The following SLC38A6 variants were observed in gnomAD, a reference collection of about 807,000 sequenced individuals.
SLC38A6 encodes the protein solute carrier family 38 member 6, also known as N system amino acid transporter NAT-1.
SLC38A6 carries 73 observed loss-of-function variants against 65.0 expected under a neutral mutation model. The observed-to-expected ratio is 1.12, with a 90% CI of 0.93 to 1.37. SLC38A6 has a LOEUF of 1.37. SLC38A6 is among the 40% of genes most tolerant of loss of function. The pLI is 0.00. For missense variants in SLC38A6, 561 were observed against 531.1 expected, an observed-to-expected ratio of 1.06 and a Z score of -0.55; for synonymous variants, 183 against 178.8, an observed-to-expected ratio of 1.02 and a Z score of -0.19.
At chr14:61,012,175 G>T (rs1449818275) in intron 3 of SLC38A6, among the ~76,000 whole-genome samples, 1 of 152,198 alleles carries the variant, frequency 6.6e-6, no homozygotes, top group African/African-American at 2.4e-5. Context: ...TTGCATAGAG[G>T]TGTTTATAGT....
At position 61,069,732 on chromosome 14, in the gene SLC38A6, A is replaced by G. The variant is rs917325805; in HGVS notation, c.1291-9078A>G. Among the ~76,000 whole-genome samples the G allele has an allele frequency of 8.5e-5, 13 of 152,256 alleles. No individual in the cohort carries two copies. The South Asian group carries it at 1.5e-3, about 17-fold the overall frequency. On this transcript the variant is annotated intron_variant, in intron 15 of 16. Transcript: ENST00000354886. ...GTAAGATTTTTCGTATTTTTTTCAT[A>G]AACTACTTTTGTAATTTTGTATTCA...
At chr14:60,982,266 C>G (rs761808573) in intron 1 of SLC38A6, 2 of 549,244 alleles carry the variant, frequency 3.6e-6, no homozygotes, top group Non-Finnish European at 6.9e-6. Context: ...CCTTCCTGAA[C>G]TCTGCCTGTC....
At chr14:60,990,538 A>G (rs566362288) in intron 3 of SLC38A6, among the ~76,000 whole-genome samples, 4 of 152,236 alleles carry the variant, frequency 2.6e-5, no homozygotes, top group African/African-American at 9.6e-5. Flanking sequence ...TCTTTCTTCT[A>G]ATTGCTTAGG....
At chr14:61,012,603 G>T (rs1163488451) in intron 3 of SLC38A6, among the ~76,000 whole-genome samples, 1 of 152,042 alleles carries the variant, frequency 6.6e-6, no homozygotes, top group Non-Finnish European at 1.5e-5. Flanking sequence ...TTGTTGATTT[G>T]AAAGAATGTC....
intron 5 of SLC38A6, among the ~76,000 whole-genome samples, chr14:61,019,945 T>C (rs1280491751): frequency 2.0e-5 from 3 of 152,104 alleles, no homozygotes; most frequent in Non-Finnish European, 2.9e-5. Context: ...AGATACTACT[T>C]TAGAGGGATT....
intron 3 of SLC38A6, among the ~76,000 whole-genome samples, chr14:61,009,153 C>T (rs906574682): frequency 1.3e-5 from 2 of 152,156 alleles, no homozygotes; most frequent in African/African-American, 4.8e-5. Flanking sequence ...GATTAAACTG[C>T]TAGGAGTTGC....
chr14:61,034,299 A>C (rs1052001229), intron 6 of SLC38A6: 5 of 152,080 alleles, frequency 3.3e-5, no homozygotes, highest in Non-Finnish European at 5.9e-5. Context: ...CTTTTGTACA[A>C]CTTTAGCTTC....
chr14:61,052,240 T>C (rs1470014493), intron 15 of SLC38A6, 105 bp downstream of exon 15: 22 of 1,244,456 alleles, frequency 1.8e-5, no homozygotes, highest in African/African-American at 3.2e-5. Flanking sequence ...TTTTAAAATA[T>C]AGAATACATT....
chr14:61,024,968 C>T (rs2040530290), intron 5 of SLC38A6, among the ~76,000 whole-genome samples: 1 of 152,112 alleles, frequency 6.6e-6, no homozygotes, highest in Non-Finnish European at 1.5e-5. Flanking sequence ...TTCAAAGCCC[C>T]AGTTCTTTAA....
rs2040056051 is a variant in SLC38A6, at chr14:61,017,047, T to G, written c.363+1091T>G. ...CAGTTAACTTTGGTGGAGTTTTTTG[T>G]TTTTGTTTTTTCAGACAGAGTTTCG... On this transcript the variant is annotated intron_variant, in intron 4 of 15. Transcript: ENST00000267488. Among the ~76,000 whole-genome samples, 3 of 152,250 alleles carry G rather than the reference T, an allele frequency of 2.0e-5. 1 individual carries two copies. Among genetic ancestry groups the G allele is most frequent in the South Asian group, 4.1e-4 (2 of 4,822 alleles).
At chr14:61,075,193 A>G (rs1371557725) in intron 15 of SLC38A6, among the ~76,000 whole-genome samples, 1 of 152,186 alleles carries the variant, frequency 6.6e-6, no homozygotes, top group Non-Finnish European at 1.5e-5. Context: ...TAAGAACAGA[A>G]GCGTTTAATA....
intron 15 of SLC38A6, among the ~76,000 whole-genome samples, chr14:61,065,378 AC>A (rs2042987927): frequency 6.6e-6 from 1 of 152,182 alleles, no homozygotes; most frequent in Admixed American, 6.5e-5. Context: ...AAAAGCAGAA[AC>A]GAATTATCCA....
At chr14:61,029,241 C>T (rs1217741719) in intron 5 of SLC38A6, among the ~76,000 whole-genome samples, 3 of 151,190 alleles carry the variant, frequency 2.0e-5, no homozygotes, top group Non-Finnish European at 4.4e-5. Context: ...CTGCAACCTC[C>T]GCCTTCCAGT....
chr14:61,010,899 G>GT (rs2039510991), intron 3 of SLC38A6, among the ~76,000 whole-genome samples: 1 of 152,136 alleles, frequency 6.6e-6, no homozygotes, highest in Non-Finnish European at 1.5e-5. Flanking sequence ...CTTTAAAGTA[G>GT]TTTTTTCCAA....
At chr14:61,062,321 C>G in intron 15 of SLC38A6, among the ~76,000 whole-genome samples, 1 of 152,182 alleles carries the variant, frequency 6.6e-6, no homozygotes, top group Non-Finnish European at 1.5e-5. Flanking sequence ...TACATCCTCA[C>G]CAGCATTTGG....
At chr14:61,004,178 T>C (rs1004124909) in intron 3 of SLC38A6, among the ~76,000 whole-genome samples, 1 of 152,188 alleles carries the variant, frequency 6.6e-6, no homozygotes, top group Non-Finnish European at 1.5e-5. Context: ...CCAATTCTTT[T>C]TGGAATCTTT....
chr14:61,060,976 C>T (rs1210564638), intron 15 of SLC38A6, among the ~76,000 whole-genome samples: 7 of 150,772 alleles, frequency 4.6e-5, no homozygotes, highest in East Asian at 3.9e-4. Flanking sequence ...CGACCTGCTT[C>T]GGCTCGCGCA....
chr14:61,013,094 ATAGT>A (rs2039705867), intron 3 of SLC38A6, among the ~76,000 whole-genome samples: 1 of 152,146 alleles, frequency 6.6e-6, no homozygotes, highest in Non-Finnish European at 1.5e-5. Flanking sequence ...TATATTTAGG[ATAGT>A]TAGCTCTTCT....
At chr14:61,021,270 T>A (rs955561418) in intron 5 of SLC38A6, among the ~76,000 whole-genome samples, 2 of 152,148 alleles carry the variant, frequency 1.3e-5, no homozygotes, top group East Asian at 1.9e-4. Context: ...TCTAGATATA[T>A]TTATCAAGAA....
Sources: gnomAD v4.1 joint callset for allele counts (sites outside exome capture counted in the v4.1 genomes callset) on GRCh38, gnomAD v4.1.1 for gene constraint, MANE v1.5 for transcripts, NCBI Gene and HGNC (gene_info 2026-07-23, HGNC 2026-07-21) for gene names.